The following PTPN23 variants were observed in gnomAD, a reference collection of about 807,000 sequenced individuals.
PTPN23 encodes the protein protein tyrosine phosphatase non-receptor type 23.
PTPN23 carries 72 observed loss-of-function variants against 156.3 expected under a neutral mutation model. The ratio of observed to expected loss-of-function variants is 0.46; its 90% CI spans 0.38 to 0.56. The LOEUF (loss-of-function observed/expected upper bound fraction) is 0.56, where lower values mean the gene tolerates loss of function less well. Among genes scored for constraint, PTPN23 ranks in the 20% least tolerant of loss-of-function variants. The probability of loss-of-function intolerance (pLI) is 0.00; values close to 1 mark genes in which losing one functional copy is unlikely to be tolerated. For synonymous variants in PTPN23, 957 were observed against 899.6 expected, an observed-to-expected ratio of 1.06 and a Z score of -1.14; for missense variants, 1,974 against 2,171.5, an observed-to-expected ratio of 0.91 and a Z score of 1.81.
chr3:47,392,384 G>A (rs952007244), intron 1 of PTPN23, among the ~76,000 whole-genome samples: 1 of 151,872 alleles, frequency 6.6e-6, no homozygotes, highest in African/African-American at 2.4e-5. Flanking sequence ...TGGGGGTCTC[G>A]CCATATTGCC....
chr3:47,408,003 G>A (rs556539230), intron 14 of PTPN23, 48 bp downstream of exon 14: 18 of 1,586,516 alleles, frequency 1.1e-5, no homozygotes, highest in African/African-American at 1.1e-4. Flanking sequence ...AGCACTTCCC[G>A]GGCCTCTGGG....
intron 1 of PTPN23, among the ~76,000 whole-genome samples, chr3:47,384,455 CAAAAAA>C (rs56896052): frequency 4.3e-4 from 34 of 78,454 alleles, no homozygotes; most frequent in African/African-American, 1.7e-3. Flanking sequence ...GAGACTGTCT[CAAAAAA>C]AAAAAAAAAA....
Position 47,412,107 on chromosome 3 carries a change from A to G in PTPN23, c.4087A>G (p.Ser1363Gly). 1 of 1,613,060 alleles carries G rather than the reference A, an allele frequency of 6.2e-7. No homozygotes were observed. The highest frequency in any genetic ancestry group is 8.5e-7 in the Non-Finnish European group (1 of 1,180,002). ...CCTGTCCCACAGAGGCCTGCCCGAC[A>G]GCCCCAGCAACTTGCTGCGCTTCAT... ...PTWPELGLPDSPSNLLRFIQE... is the reference protein window; with the variant it reads ...PTWPELGLPDGPSNLLRFIQE... The change falls in exon 22 of 25, where the codon AGC becomes GGC. Residue 1363 changes from serine (S) to glycine (G), a missense_variant. By Grantham distance (56) the Ser-to-Gly change is moderately conservative. Transcript: ENST00000265562.
intron 1 of PTPN23, among the ~76,000 whole-genome samples, chr3:47,389,439 C>T (rs778435336): frequency 3.9e-5 from 6 of 151,988 alleles, no homozygotes; most frequent in Non-Finnish European, 8.8e-5. Context: ...AGCAAGACCC[C>T]TGTCTCTACA....
intron 1 of PTPN23, among the ~76,000 whole-genome samples, chr3:47,391,256 CA>C (rs1268156143): frequency 6.6e-6 from 1 of 152,006 alleles, no homozygotes; most frequent in African/African-American, 2.4e-5. Flanking sequence ...TAAAATAAAA[CA>C]ATAAAAAATA....
chr3:47,410,230 A>G lies in PTPN23; in HGVS notation c.2432A>G (p.His811Arg). ...ATACAGCCCAGGGCCCCAGGGCCCC[A>G]TGCAATGCCCGTAGCACCTGGGCCT... ...QLIQPRAPGP[H>R]AMPVAPGPAL... The change falls in exon 20 of 25, where the codon CAT becomes CGT. Residue 811 changes from histidine (H) to arginine (R), a missense_variant. By Grantham distance (29) the His-to-Arg change is conservative. This residue lies in a region of PTPN23 where 731 missense variants were observed against 669.1 expected (regional missense o/e 1.09). Transcript: ENST00000265562. 6.2e-7 allele frequency: 1 copy of G among 1,611,178 alleles called. No homozygotes were observed. The highest frequency in any genetic ancestry group is 8.5e-7 in the Non-Finnish European group (1 of 1,178,796).
At chr3:47,408,727 T>A in intron 15 of PTPN23, 49 bp from the exon 16 acceptor site, 1 of 1,545,718 alleles carries the variant, frequency 6.5e-7, no homozygotes, top group South Asian at 1.3e-5. Flanking sequence ...GGCCCATGGG[T>A]GCCCGGTCAG....
In PTPN23 at chr3:47,413,094, A is replaced by G. The variant is rs1269266761; in HGVS notation, c.4820A>G (p.Gln1607Arg). The change falls in exon 25 of 25, where the codon CAG becomes CGG. Residue 1607 changes from glutamine to arginine, a missense_variant. Transcript: ENST00000265562. ...KQRMSKHNFLQAHNGQGLRAT... is the reference protein window; with the variant it reads ...KQRMSKHNFLRAHNGQGLRAT... ...CGGATGAGCAAGCATAACTTTCTGC[A>G]GGCCCATAACGGGCAAGGGCTGCGG... The G allele has an allele frequency of 1.2e-6, 2 of 1,612,926 alleles. No individual in the cohort carries two copies. Among genetic ancestry groups the G allele is most frequent in the African/African-American group, 1.3e-5 (1 of 75,078 alleles).
In PTPN23 at chr3:47,412,586, C is replaced by T. The variant is rs779146502; in HGVS notation, c.4390C>T (p.Pro1464Ser). ...EQVLQRHGVP[P>S]PCKPLASASI... ...GGTCCTGCAGCGCCATGGTGTGCCT[C>T]CTCCATGCAAACCCTTGGCCAGTGC... Residue 1464 changes from proline to serine, a missense_variant, in exon 24 of 25, where the codon CCT becomes TCT. Pro to Ser is a moderately conservative substitution (Grantham distance 74). This residue lies in a region of PTPN23 where 484 missense variants were observed against 516.0 expected (regional missense o/e 0.94). Coordinates refer to ENST00000265562, the MANE Select transcript of PTPN23 (RefSeq NM_015466.4). 1.9e-6 allele frequency: 3 copies of T among 1,613,708 alleles called. No individual in the cohort carries two copies. The highest frequency in any genetic ancestry group is 2.2e-5 in the South Asian group (2 of 91,090).
At chr3:47,384,196 C>G (rs185018913) in intron 1 of PTPN23, among the ~76,000 whole-genome samples, 1 of 150,686 alleles carries the variant, frequency 6.6e-6, no homozygotes, top group East Asian at 1.9e-4. Context: ...AGGCCGGGTG[C>G]GGTGGCTCAC....
intron 1 of PTPN23, among the ~76,000 whole-genome samples, chr3:47,394,369 A>G (rs1704836640): frequency 2.0e-5 from 3 of 152,226 alleles, no homozygotes; most frequent in Non-Finnish European, 4.4e-5. Context: ...AGGCAGTGAC[A>G]TTTCGGCTGA....
Position 47,412,530 on chromosome 3 carries a change from G to A in PTPN23, c.4334G>A (p.Cys1445Tyr). 2 of 1,613,492 alleles carry A rather than the reference G, an allele frequency of 1.2e-6. No individual in the cohort carries two copies. Among genetic ancestry groups the A allele is most frequent in the African/African-American group, 2.7e-5 (2 of 75,062 alleles). Residue 1445 changes from cysteine (C) to tyrosine (Y), a missense_variant, in exon 24 of 25, where the codon TGC becomes TAC. Around this residue, in one of 4 missense-constraint regions of PTPN23, gnomAD observed 484 missense variants for 516.0 expected, o/e 0.94. Coordinates refer to ENST00000265562, the MANE Select transcript of PTPN23 (RefSeq NM_015466.4). ...MLQEKLHLRF[C>Y]YEAVVRHVEQ... Reference sequence around the variant, plus strand: ...CCTGTGCAGCTGCACCTCAGGTTCTGCTATGAGGCAGTGGTGAGACACGTG... The same window carrying A: ...CCTGTGCAGCTGCACCTCAGGTTCTACTATGAGGCAGTGGTGAGACACGTG...
chr3:47,413,235 C>T lies in PTPN23; in HGVS notation c.*50C>T. On this transcript the variant is annotated 3_prime_UTR_variant, in exon 25 of 25. Transcript: ENST00000265562. ...ACACTACATCATCATCATCTCATGCCCACCTGCCCACACCCAGCAGAGCTT... is the reference window on the plus strand; with the variant it reads ...ACACTACATCATCATCATCTCATGCTCACCTGCCCACACCCAGCAGAGCTT... 1 of 1,558,372 alleles carries T rather than the reference C, an allele frequency of 6.4e-7. No individual in the cohort carries two copies. The highest frequency in any genetic ancestry group is 8.7e-7 in the Non-Finnish European group (1 of 1,148,458).
In PTPN23 at chr3:47,412,306, C is replaced by T; in HGVS notation, c.4202C>T (p.Ala1401Val). The T allele has an allele frequency of 6.2e-7, 1 of 1,613,420 alleles. No homozygotes were observed. Among genetic ancestry groups the T allele is most frequent in the Non-Finnish European group, 8.5e-7 (1 of 1,179,980 alleles). Residue 1401 changes from alanine (A) to valine (V), a missense_variant, in exon 23 of 25, where the codon GCC (alanine) becomes GTC (valine). Coordinates refer to ENST00000265562, the MANE Select transcript of PTPN23 (RefSeq NM_015466.4). ...AGCTCTGGTGTGGGCCGCACGGGAG[C>T]CTTTGCACTGCTCTATGCAGCTGTG... ...HCSSGVGRTG[A>V]FALLYAAVQE... is the part of the protein sequence containing the mutation.
intron 2 of PTPN23, among the ~76,000 whole-genome samples, chr3:47,398,197 G>A (rs903897286): frequency 1.3e-5 from 2 of 152,202 alleles, no homozygotes; most frequent in Admixed American, 6.5e-5. Context: ...TACTAGGGAG[G>A]CTAAGGCAGG....
In PTPN23 at chr3:47,381,162, C is replaced by T. The variant is rs1235217738; in HGVS notation, c.66C>T (p.Phe22=). The change falls in exon 1 of 25, where the codon TTC becomes TTT. Residue 22 remains phenylalanine, a synonymous_variant. Coordinates refer to ENST00000265562, the MANE Select transcript of PTPN23 (RefSeq NM_015466.4). Reference sequence around the variant, plus strand: ...TGAAGGAGGCCGGTGACTTTCACTTCCAGCCAGCTGTGAAGAAGGTGAGCT... The same window carrying T: ...TGAAGGAGGCCGGTGACTTTCACTTTCAGCCAGCTGTGAAGAAGGTGAGCT... The part of the protein sequence containing the change: ...LDLKEAGDFH[F]QPAVKKFVLK... 6.3e-6 allele frequency: 10 copies of T among 1,588,692 alleles called. No individual in the cohort carries two copies. Among genetic ancestry groups the T allele is most frequent in the African/African-American group, 1.3e-5 (1 of 74,296 alleles).
chr3:47,410,330 G>A lies in PTPN23; in HGVS notation c.2532G>A (p.Val844=), dbSNP rs978496936. 7 of 1,606,898 alleles carry A rather than the reference G, an allele frequency of 4.4e-6. No individual in the cohort carries two copies. The highest frequency in any genetic ancestry group is 2.7e-5 in the African/African-American group (2 of 74,782). The change falls in exon 20 of 25, where the codon GTG becomes GTA. Residue 844 remains valine, a synonymous_variant. Coordinates refer to ENST00000265562, the MANE Select transcript of PTPN23 (RefSeq NM_015466.4). ...VPRSSPQHGV[V]SSPYVGVGPA... ...GATCCTCCCCACAGCATGGCGTGGT[G>A]AGCAGTCCCTATGTGGGGGTAGGGC...
intron 1 of PTPN23, among the ~76,000 whole-genome samples, chr3:47,385,579 G>C (rs1023811381): frequency 4.6e-5 from 7 of 152,182 alleles, no homozygotes; most frequent in Non-Finnish European, 8.8e-5. Flanking sequence ...TTAGGAGGCT[G>C]AGGTGGGAGG....
intron 2 of PTPN23, among the ~76,000 whole-genome samples, chr3:47,399,356 T>G (rs1175587588): frequency 6.6e-6 from 1 of 152,136 alleles, no homozygotes; most frequent in East Asian, 1.9e-4. Context: ...GACTCCAGAG[T>G]TAAGTCAGAT....
Sources: gnomAD v4.1 joint callset for allele counts (sites outside exome capture counted in the v4.1 genomes callset) on GRCh38, gnomAD v4.1.1 for gene constraint, gnomAD v4.1.1 regional missense constraint, MANE v1.5 for transcripts, NCBI Gene and HGNC (gene_info 2026-07-23, HGNC 2026-07-21) for gene names.